The following TMEM268 variants were observed in gnomAD, a reference collection of about 807,000 sequenced individuals.
TMEM268 encodes the protein transmembrane protein C9orf91.
A neutral mutation model predicts 39.1 loss-of-function variants in TMEM268; 24 were observed. The observed-to-expected ratio is 0.61, with a 90% CI of 0.44 to 0.86. The LOEUF is 0.86. Among genes scored for constraint, TMEM268 ranks in the 40% least tolerant of loss-of-function variants. The pLI is 0.00. For synonymous variants in TMEM268, 176 were observed against 173.5 expected, an observed-to-expected ratio of 1.01 and a Z score of -0.12; for missense variants, 409 against 428.6, an observed-to-expected ratio of 0.95 and a Z score of 0.40.
intron 6 of TMEM268, among the ~76,000 whole-genome samples, 168 bp from the exon 7 acceptor site, chr9:114,636,822 C>T (rs927260660): frequency 1.3e-5 from 2 of 152,114 alleles, no homozygotes; most frequent in Admixed American, 6.6e-5. Context: ...CTTTTCTAAA[C>T]GTGCACACAA....
chr9:114,644,246 C>T lies in TMEM268; in HGVS notation c.*933C>T, dbSNP rs1827480585. ...ACGCATCTAAAGGATCCCCAGCCCCCAAGACCTAGCCTTTGTCTGCGATTT... is the reference window on the plus strand; with the variant it reads ...ACGCATCTAAAGGATCCCCAGCCCCTAAGACCTAGCCTTTGTCTGCGATTT... On this transcript the variant is annotated 3_prime_UTR_variant, in exon 9 of 9. Coordinates refer to ENST00000288502, the MANE Select transcript of TMEM268 (RefSeq NM_153045.4). 6.6e-6 allele frequency: 1 copy of T among 152,418 alleles called. No homozygotes were observed. Among genetic ancestry groups the T allele is most frequent in the Admixed American group, 6.5e-5 (1 of 15,286 alleles). The allele number at this position is 152,418 out of a possible 1,614,324, so 9.4% of individuals were successfully genotyped here. A position where few individuals can be genotyped will look rare whatever the true frequency, so the allele number is the denominator to read the frequency against.
At chr9:114,628,007 G>A in intron 4 of TMEM268, 94 bp from the exon 5 acceptor site, 8 of 1,355,872 alleles carry the variant, frequency 5.9e-6, no homozygotes, top group South Asian at 1.3e-5. Context: ...TCCAAGGAGG[G>A]TATCAGTAGT....
chr9:114,625,443 CTT>C (rs34082825), intron 3 of TMEM268, among the ~76,000 whole-genome samples: 15,600 of 121,760 alleles, frequency 0.13, 930 homozygotes, highest in South Asian at 0.18. Flanking sequence ...ACTTCTTCTT[CTT>C]TTTTTTTTTT....
At position 114,644,886 on chromosome 9, in the gene TMEM268, A is replaced by G. The variant is rs58090448; in HGVS notation, c.*1573A>G. The stretch of plus-strand genomic sequence containing the variant: ...ATCTTGGCTCACTGCAACCCCCGCC[A>G]CCTAGGTTCAAGTGATTCTCATGCC... On this transcript the variant is annotated 3_prime_UTR_variant, in exon 9 of 9. Coordinates refer to ENST00000288502, the MANE Select transcript of TMEM268 (RefSeq NM_153045.4). 45,392 of 151,468 alleles carry G rather than the reference A, an allele frequency of 0.3. 7,519 individuals are homozygous for G. The highest frequency in any genetic ancestry group is 0.44 in the South Asian group (2,115 of 4,806). 9.4% of individuals were successfully genotyped at this position (151,468 alleles called of 1,614,324 possible).
At position 114,638,706 on chromosome 9, in the gene TMEM268, G is replaced by T. The variant is rs1846754349; in HGVS notation, c.829G>T (p.Val277Phe). 6.3e-7 allele frequency: 1 copy of T among 1,592,286 alleles called. No homozygotes were observed. Among genetic ancestry groups the T allele is most frequent in the Admixed American group, 1.8e-5 (1 of 56,434 alleles). ...CATGCAGACTGAGCTTCATCAGCTT[G>T]TTCCTGAGGCTGAGCCGGAGGTAAC... ...PLMQTELHQLVPEAEPEEMAR... is the reference protein window; with the variant it reads ...PLMQTELHQLFPEAEPEEMAR... The change falls in exon 8 of 9, where the codon GTT becomes TTT. Residue 277 changes from valine (V) to phenylalanine (F), a missense_variant. Physicochemically the swap from Val to Phe is conservative, Grantham distance 50. Coordinates refer to ENST00000288502, the MANE Select transcript of TMEM268 (RefSeq NM_153045.4).
At position 114,643,375 on chromosome 9, in the gene TMEM268, C is replaced by T. The variant is rs1285064954; in HGVS notation, c.*62C>T. 93 of 1,489,804 alleles carry T rather than the reference C, an allele frequency of 6.2e-5. No individual in the cohort carries two copies. Among genetic ancestry groups the T allele is most frequent in the Non-Finnish European group, 8.2e-5 (88 of 1,076,028 alleles). 92.3% of individuals were successfully genotyped at this position (1,489,804 alleles called of 1,614,324 possible). Reference sequence around the variant, plus strand: ...AGCAGTCAGGAAGGCTTCAGGAGCCCAAGATGGCCAATGGGGAGCCCCAGG... The same window carrying T: ...AGCAGTCAGGAAGGCTTCAGGAGCCTAAGATGGCCAATGGGGAGCCCCAGG... On this transcript the variant is annotated 3_prime_UTR_variant, in exon 9 of 9. Transcript: ENST00000288502.
intron 5 of TMEM268, among the ~76,000 whole-genome samples, chr9:114,629,175 G>A (rs765406799): frequency 6.6e-6 from 1 of 152,240 alleles, no homozygotes; most frequent in Non-Finnish European, 1.5e-5. Flanking sequence ...CAAAGCTGCT[G>A]TAACAAATTA....
chr9:114,642,314 T>C (rs572926693), intron 8 of TMEM268, among the ~76,000 whole-genome samples: 35 of 152,308 alleles, frequency 2.3e-4, no homozygotes, highest in African/African-American at 7.7e-4. Context: ...GTGATAAACC[T>C]AATTTTTATA....
rs1195657249 is a variant in TMEM268 at position 114,643,947 on chromosome 9, A to G, written c.*634A>G. The G allele has an allele frequency of 6.6e-6, 1 of 152,288 alleles. No homozygotes were observed. Among genetic ancestry groups the G allele is most frequent in the African/African-American group, 2.4e-5 (1 of 41,472 alleles). 9.4% of individuals were successfully genotyped at this position (152,288 alleles called of 1,614,324 possible). On this transcript the variant is annotated 3_prime_UTR_variant, in exon 9 of 9. Transcript: ENST00000288502. ...AGGCTGCAGAAGACAGAGACAGAAG[A>G]AAGAGATCAAGGGCAGATAACTGTT...
chr9:114,614,546 G>C (rs1305960730), intron 1 of TMEM268, among the ~76,000 whole-genome samples: 2 of 152,230 alleles, frequency 1.3e-5, no homozygotes, highest in African/African-American at 4.8e-5. Flanking sequence ...AATGGTGAGG[G>C]CATGAGAGCC....
intron 2 of TMEM268, chr9:114,622,547 G>C: frequency 6.2e-6 from 6 of 973,562 alleles, no homozygotes; most frequent in Non-Finnish European, 7.3e-6. Context: ...GTCTTGAGGG[G>C]ATTTCAGTCC....
intron 5 of TMEM268, among the ~76,000 whole-genome samples, chr9:114,630,798 A>C (rs952426792): frequency 1.4e-4 from 21 of 152,196 alleles, no homozygotes; most frequent in Non-Finnish European, 2.5e-4. Flanking sequence ...TAACCAGTCC[A>C]TGGCCACACA....
chr9:114,618,935 G>A (rs918566984), intron 2 of TMEM268, among the ~76,000 whole-genome samples: 1 of 152,196 alleles, frequency 6.6e-6, no homozygotes, highest in Non-Finnish European at 1.5e-5. Flanking sequence ...TTGGCCCATA[G>A]TAGATGCTCA....
At chr9:114,618,212 C>G (rs913983910) in intron 2 of TMEM268, among the ~76,000 whole-genome samples, 1 of 152,044 alleles carries the variant, frequency 6.6e-6, no homozygotes, top group Non-Finnish European at 1.5e-5. Flanking sequence ...TTAGTCCAAC[C>G]ATGTCAGTTT....
At chr9:114,636,305 GT>G (rs1846631331) in intron 6 of TMEM268, among the ~76,000 whole-genome samples, 2 of 152,086 alleles carry the variant, frequency 1.3e-5, no homozygotes, top group Non-Finnish European at 2.9e-5. Context: ...CTCAGACCTG[GT>G]TGTGGGCCAC....
At chr9:114,612,246 C>T (rs1845530230) in intron 1 of TMEM268, among the ~76,000 whole-genome samples, 1 of 152,112 alleles carries the variant, frequency 6.6e-6, no homozygotes, top group South Asian at 2.1e-4. Flanking sequence ...CGCAATAGGA[C>T]TTAAGAGTAT....
chr9:114,627,945 A>C (rs550614734), intron 4 of TMEM268, among the ~76,000 whole-genome samples, 156 bp from the exon 5 acceptor site: 1 of 152,200 alleles, frequency 6.6e-6, no homozygotes, highest in African/African-American at 2.4e-5. Flanking sequence ...GCTCATTCTC[A>C]CAGATCCAGG....
chr9:114,622,186 T>C (rs902323721), intron 2 of TMEM268: 32 of 985,256 alleles, frequency 3.2e-5, no homozygotes, highest in Non-Finnish European at 3.9e-5. Context: ...GAGTGAGTCA[T>C]TTGGCTTTGA....
rs997815356 is a variant in TMEM268 at position 114,636,926 on chromosome 9, G to A, written c.586-64G>A. The A allele has an allele frequency of 1.7e-5, 17 of 1,026,848 alleles. No homozygotes were observed. The African/African-American group carries it at 1.9e-4, about 11-fold the overall frequency. 63.6% of individuals were successfully genotyped at this position (1,026,848 alleles called of 1,614,324 possible). A position where few individuals can be genotyped will look rare whatever the true frequency, so the allele number is the denominator to read the frequency against. ...AGCAGGCTAAATAGGACTGTCTCAG[G>A]GAGGAAGAGTTCAGGGTTGGGCTGC... On this transcript the variant is annotated intron_variant, in intron 6 of 8. Coordinates refer to ENST00000288502, the MANE Select transcript of TMEM268 (RefSeq NM_153045.4).
Sources: allele counts gnomAD v4.1 joint callset (sites outside exome capture counted in the v4.1 genomes callset), GRCh38; gene constraint gnomAD v4.1.1; transcripts MANE v1.5; gene names NCBI Gene and HGNC (gene_info 2026-07-23, HGNC 2026-07-21).